The following TNRC18 variants were observed in gnomAD, a reference collection of about 807,000 sequenced individuals.
TNRC18 encodes the protein trinucleotide repeat-containing gene 18 protein.
Under a neutral mutation model 226.7 loss-of-function variants are expected in TNRC18, and 69 were observed. That is an observed-to-expected ratio of 0.30 (90% confidence interval 0.25 to 0.37). The LOEUF (loss-of-function observed/expected upper bound fraction) is 0.37, where lower values mean the gene tolerates loss of function less well. Ranked by LOEUF, TNRC18 falls within the 10% of genes least tolerant of loss-of-function variation. The pLI, the probability that TNRC18 is intolerant of heterozygous loss-of-function variation, is 1.00. For synonymous variants in TNRC18, 2,449 were observed against 1,927.6 expected (o/e 1.27, Z -7.09); for missense variants, 4,754 against 4,256.6 (o/e 1.12, Z -3.25).
chr7:5,319,339 C>CT (rs917388997), intron 24 of TNRC18, among the ~76,000 whole-genome samples: 37 of 151,124 alleles, frequency 2.4e-4, no homozygotes, highest in African/African-American at 7.0e-4. Context: ...TGTGAGTGGG[C>CT]TTTTTTTTTG....
At position 5,308,096 on chromosome 7, in the gene TNRC18, C is replaced by A. The variant is rs757823248; in HGVS notation, c.*10G>T. 6.5e-7 allele frequency: 1 copy of A among 1,546,490 alleles called. No homozygotes were observed. Among genetic ancestry groups the A allele is most frequent in the South Asian group, 1.2e-5 (1 of 83,888 alleles). On this transcript the variant is annotated 3_prime_UTR_variant, in exon 30 of 30. Coordinates refer to ENST00000430969, the MANE Select transcript of TNRC18 (RefSeq NM_001080495.3). ...CTCGGGGCACAGGTGGCCCGCAGGG[C>A]CCGGCGGGCTCAGCAGAGCACGGGC...
chr7:5,384,718 G>C (rs1432703470), intron 5 of TNRC18, among the ~76,000 whole-genome samples: 1 of 152,174 alleles, frequency 6.6e-6, no homozygotes, highest in African/African-American at 2.4e-5. Flanking sequence ...CTGAGCAGGA[G>C]ACCTTTTTCC....
rs1306247767 is a variant in TNRC18, at chr7:5,320,449, C to T, written c.6637-23G>A. ...GATCTAGAAGGGCATGGGATGAGTG[C>T]AAGGTGTGGACACAGTTATGGCCAT... On this transcript the variant is annotated intron_variant, in intron 23 of 29. Coordinates refer to ENST00000430969, the MANE Select transcript of TNRC18 (RefSeq NM_001080495.3). The T allele has an allele frequency of 3.2e-6, 5 of 1,562,840 alleles. No individual in the cohort carries two copies. The South Asian group carries it at 5.9e-5, about 18-fold the overall frequency.
chr7:5,401,566 C>T (rs1304516039), intron 2 of TNRC18, among the ~76,000 whole-genome samples: 1 of 152,188 alleles, frequency 6.6e-6, no homozygotes, highest in Non-Finnish European at 1.5e-5. Context: ...ATTGTCTCTG[C>T]CCACTGAAGA....
chr7:5,344,972 T>C (rs975329027), intron 18 of TNRC18, among the ~76,000 whole-genome samples: 2 of 152,134 alleles, frequency 1.3e-5, no homozygotes, highest in Non-Finnish European at 2.9e-5. Flanking sequence ...GGTTTACCTA[T>C]CTGGATTGTG....
chr7:5,361,412 G>A (rs915500199), intron 14 of TNRC18, among the ~76,000 whole-genome samples, 182 bp downstream of exon 14: 7 of 152,188 alleles, frequency 4.6e-5, no homozygotes, highest in South Asian at 2.1e-4. Flanking sequence ...GCTCAGCACC[G>A]GCCTCGCTCC....
intron 18 of TNRC18, among the ~76,000 whole-genome samples, chr7:5,344,497 T>C (rs1790975754): frequency 6.6e-6 from 1 of 152,156 alleles, no homozygotes; most frequent in South Asian, 2.1e-4. Context: ...GTCTGGAGCC[T>C]GGCGTGGGTG....
At chr7:5,357,551 C>T (rs562044584) in intron 15 of TNRC18, among the ~76,000 whole-genome samples, 2 of 152,304 alleles carry the variant, frequency 1.3e-5, no homozygotes, top group South Asian at 2.1e-4. Context: ...AGCTGGGAGT[C>T]GCAAGTCACT....
chr7:5,377,897 C>T lies in TNRC18; in HGVS notation c.2255+25G>A. 1.2e-6 allele frequency: 2 copies of T among 1,609,880 alleles called. No individual in the cohort carries two copies. The highest frequency in any genetic ancestry group is 1.3e-5 in the African/African-American group (1 of 74,964). ...AGGGGCTCCTAGATACCCCCTAGAC[C>T]CTCAGGATCCCCCGACACCCTCACC... On this transcript the variant is annotated intron_variant, in intron 6 of 29. Transcript: ENST00000430969. This position sits in a 1 kb window ranked among gnomAD's most constrained non-coding sequence, Gnocchi z 5.8.
At chr7:5,314,884 C>T in intron 26 of TNRC18, 100 bp downstream of exon 26, 2 of 1,330,108 alleles carry the variant, frequency 1.5e-6, no homozygotes, top group Non-Finnish European at 1.0e-6. Context: ...AGAGTTCTTA[C>T]AGACAGCAGG....
intron 10 of TNRC18, among the ~76,000 whole-genome samples, chr7:5,372,702 G>A (rs1794281056): frequency 6.6e-6 from 1 of 151,992 alleles, no homozygotes; most frequent in Non-Finnish European, 1.5e-5. Context: ...GTGACAGAGT[G>A]AGACTCTATC....
chr7:5,417,328 G>C (rs1316319189), intron 2 of TNRC18, among the ~76,000 whole-genome samples: 1 of 152,000 alleles, frequency 6.6e-6, no homozygotes, highest in African/African-American at 2.4e-5. Context: ...AACTTAGCAG[G>C]GCATGGTGAC....
chr7:5,389,113 G>T lies in TNRC18; in HGVS notation c.711C>A (p.Gly237=), dbSNP rs755309094. Residue 237 remains glycine (G), a synonymous_variant, in exon 5 of 30, where the codon GGC becomes GGA. Transcript: ENST00000430969. ...ARGEEASGPR[G]VVDLTQEARA... ...GCGCCTCCTGGGTCAGGTCCACCAC[G>T]CCCCGTGGCCCCGAGGCCTCCTCGC... 1 of 1,314,560 alleles carries T rather than the reference G, an allele frequency of 7.6e-7. No homozygotes were observed. The allele number at this position is 1,314,560 out of a possible 1,614,324, so 81.4% of individuals were successfully genotyped here.
intron 18 of TNRC18, among the ~76,000 whole-genome samples, chr7:5,344,828 C>T (rs573362228): frequency 3.3e-5 from 5 of 152,280 alleles, no homozygotes; most frequent in African/African-American, 1.2e-4. Flanking sequence ...CCGGTGAGAA[C>T]AGGGAGGGCC....
rs1220027537 is a variant in TNRC18, at chr7:5,377,595, G to A, written c.2256-19C>T. ...ACTCTCTCTGGAAGGAGGATCATAG[G>A]TGTCAGCGACAGCTCGGACAGCCCA... is the stretch of plus-strand genomic sequence containing the variant. On this transcript the variant is annotated intron_variant, in intron 6 of 29. Transcript: ENST00000430969. This position sits in a 1 kb window ranked among gnomAD's most constrained non-coding sequence, Gnocchi z 5.8. 10 of 1,559,396 alleles carry A rather than the reference G, an allele frequency of 6.4e-6. No homozygotes were observed. The Admixed American group carries it at 1.2e-4, about 18-fold the overall frequency.
Position 5,332,959 on chromosome 7 carries a change from C to T in TNRC18, c.5810G>A (p.Gly1937Glu), listed in dbSNP as rs1562505235. 3 of 1,559,182 alleles carry T rather than the reference C, an allele frequency of 1.9e-6. No individual in the cohort carries two copies. The highest frequency in any genetic ancestry group is 2.3e-5 in the South Asian group (2 of 85,794). The change falls in exon 19 of 30, where the codon GGG becomes GAG. Residue 1937 changes from glycine (G) to glutamate (E), a missense_variant. Transcript: ENST00000430969. ...TGCGGCCAGGGAGGGTCCCGGCTCC[C>T]CCAGCCCCTTCTTGGGCCGCAGCAG... ...AGLLRPKKGL[G>E]EPGPSLAAPT...
chr7:5,378,018 C>G lies in TNRC18; in HGVS notation c.2159G>C (p.Gly720Ala), dbSNP rs1306264815. The G allele has an allele frequency of 1.9e-6, 3 of 1,609,890 alleles. No homozygotes were observed. The highest frequency in any genetic ancestry group is 1.1e-5 in the South Asian group (1 of 91,006). ...SLSLSNVKGH[G>A]RADEDCVDDR... Reference sequence around the variant, plus strand: ...GTCCACACAGTCCTCATCTGCTCGGCCGTGCCCTGCAGGGGGCCAGGTGGA... The same window carrying G: ...GTCCACACAGTCCTCATCTGCTCGGGCGTGCCCTGCAGGGGGCCAGGTGGA... Residue 720 changes from glycine (G) to alanine (A), a missense_variant, in exon 6 of 30, where the codon GGC becomes GCC. By Grantham distance (60) the Gly-to-Ala change is moderately conservative. Coordinates refer to ENST00000430969, the MANE Select transcript of TNRC18 (RefSeq NM_001080495.3).
At chr7:5,414,953 G>C (rs113522095) in intron 2 of TNRC18, among the ~76,000 whole-genome samples, 1 of 152,124 alleles carries the variant, frequency 6.6e-6, no homozygotes, top group Non-Finnish European at 1.5e-5. Context: ...TTTTAATCAG[G>C]AACAGTTCTC....
Position 5,325,205 on chromosome 7 carries a change from G to A in TNRC18, c.6191C>T (p.Pro2064Leu), listed in dbSNP as rs1788772143. Residue 2064 changes from proline (P) to leucine (L), a missense_variant, in exon 20 of 30, where the codon CCG becomes CTG. Transcript: ENST00000430969. ...AGAGGGCAAGGCAGGAGCTCGGGGC[G>A]GCGGCAGCCCAGCTCCTGGCCCAGC... ...KEAGPGAGLP[P>L]PRAPALPSEA... 7.7e-6 allele frequency: 12 copies of A among 1,554,562 alleles called. No individual in the cohort carries two copies. Among genetic ancestry groups the A allele is most frequent in the Admixed American group, 3.9e-5 (2 of 51,352 alleles).
Sources: gnomAD v4.1 joint callset for allele counts (sites outside exome capture counted in the v4.1 genomes callset) on GRCh38, gnomAD v4.1.1 for gene constraint, Gnocchi (gnomAD v3.1) non-coding constraint, MANE v1.5 for transcripts, NCBI Gene and HGNC (gene_info 2026-07-23, HGNC 2026-07-21) for gene names.